ESRRG: variants seen among roughly 807,000 people sequenced by gnomAD.
ESRRG encodes estrogen-related receptor gamma.
Under a neutral mutation model 44.0 loss-of-function variants are expected in ESRRG, and 13 were observed. That is an observed-to-expected ratio of 0.30 (90% CI 0.19 to 0.47). The LOEUF is 0.47. ESRRG is among the 20% of genes least tolerant of loss of function. The pLI is 1.00. For synonymous variants in ESRRG, 215 were observed against 214.6 expected, an observed-to-expected ratio of 1.00 and a Z score of -0.02; for missense variants, 395 against 580.6, an observed-to-expected ratio of 0.68 and a Z score of 3.29.
At chr1:216,555,617 T>C (rs2057384458) in intron 5 of ESRRG, among the ~76,000 whole-genome samples, 1 of 152,130 alleles carries the variant, frequency 6.6e-6, no homozygotes, top group African/African-American at 2.4e-5. Context: ...TTTAAATGAC[T>C]GTATTCTATA....
At chr1:216,603,188 T>C (rs1455211958) in intron 3 of ESRRG, among the ~76,000 whole-genome samples, 1 of 152,222 alleles carries the variant, frequency 6.6e-6, no homozygotes, top group African/African-American at 2.4e-5. Context: ...AATTAATCTA[T>C]GTAGCTTAAA....
chr1:216,515,302 T>C (rs1295857968), intron 6 of ESRRG, among the ~76,000 whole-genome samples: 2 of 152,038 alleles, frequency 1.3e-5, no homozygotes, highest in Admixed American at 6.6e-5. Context: ...TGTGTATATA[T>C]ATATCCTAAA....
intron 2 of ESRRG, among the ~76,000 whole-genome samples, chr1:216,909,011 A>T (rs1240366527): frequency 6.6e-6 from 1 of 152,130 alleles, no homozygotes; most frequent in Non-Finnish European, 1.5e-5. Context: ...TGGTCATTTC[A>T]GGCCAGATCC....
chr1:216,768,313 A>G (rs2093188675), intron 2 of ESRRG, among the ~76,000 whole-genome samples: 2 of 152,282 alleles, frequency 1.3e-5, no homozygotes, highest in Admixed American at 1.3e-4. Context: ...ATGATGCTGT[A>G]ATATCCTAAT....
At chr1:216,723,545 C>T, upstream of ESRRG, 1 of 515,456 alleles carries the variant, frequency 1.9e-6, no homozygotes, top group African/African-American at 1.9e-5. Context: ...GGGCCTCTGC[C>T]CAATCAGGAG....
At position 216,800,715 on chromosome 1, in the gene ESRRG, C is replaced by T. The variant is rs115303581; in HGVS notation, c.-13-123224G>A. 4.0e-3 allele frequency among the ~76,000 whole-genome samples: 604 copies of T among 152,210 alleles called. 3 individuals are homozygous for T. Among genetic ancestry groups the T allele is most frequent in the African/African-American group, 0.014 (583 of 41,538 alleles). Reference sequence around the variant, plus strand: ...GCATATGCTCATAAAATTTAGTACTCCATTTCACAGAGTTTACTAACTCCC... The same window carrying T: ...GCATATGCTCATAAAATTTAGTACTTCATTTCACAGAGTTTACTAACTCCC... On this transcript the variant is annotated intron_variant, in intron 2 of 7. Coordinates refer to the ESRRG transcript ENST00000359162.
chr1:216,606,650 A>ATAATAT (rs1423775585), intron 3 of ESRRG, among the ~76,000 whole-genome samples: 14 of 152,160 alleles, frequency 9.2e-5, no homozygotes, highest in Non-Finnish European at 4.4e-5. Context: ...AGAAGATTCC[A>ATAATAT]TAATATTAAT....
chr1:216,778,407 T>C (rs1056573968), intron 2 of ESRRG, among the ~76,000 whole-genome samples: 6 of 151,952 alleles, frequency 3.9e-5, no homozygotes, highest in Admixed American at 2.0e-4. Flanking sequence ...CCATCACTTT[T>C]GGTAGCAGAG....
intron 6 of ESRRG, among the ~76,000 whole-genome samples, chr1:216,513,679 T>G (rs2043360054): frequency 6.6e-6 from 1 of 152,156 alleles, no homozygotes; most frequent in Non-Finnish European, 1.5e-5. Context: ...CCCAAATTAC[T>G]ATTAATATTG....
intron 1 of ESRRG, among the ~76,000 whole-genome samples, chr1:217,099,200 A>C (rs1369054658): frequency 6.6e-6 from 1 of 152,220 alleles, no homozygotes; most frequent in Non-Finnish European, 1.5e-5. Context: ...ACTGGATAAC[A>C]AGAAATGTGC....
At position 216,976,725 on chromosome 1, in the gene ESRRG, A is replaced by AGTGATG. The variant is rs561454739; in HGVS notation, c.-105-37058_-105-37053dup. Among the ~76,000 whole-genome samples, 810 of 152,158 alleles carry AGTGATG rather than the reference A, an allele frequency of 5.3e-3. 2 individuals carry two copies. Among genetic ancestry groups the AGTGATG allele is most frequent in the Non-Finnish European group, 8.4e-3 (571 of 68,008 alleles). On this transcript the variant is annotated intron_variant, in intron 1 of 7. Transcript: ENST00000359162. Reference sequence around the variant, plus strand: ...GTTAGACTCATTTTTATTACCCTTCAGTGATGTGGTTTGTGTTTTGTTTTG... The same window carrying AGTGATG: ...GTTAGACTCATTTTTATTACCCTTCAGTGATGGTGATGTGGTTTGTGTTTTGTTTTG...
chr1:216,679,787 G>A (rs144595720), intron 1 of ESRRG, among the ~76,000 whole-genome samples: 1 of 151,230 alleles, frequency 6.6e-6, no homozygotes, highest in Non-Finnish European at 1.5e-5. Flanking sequence ...TCATGGACTT[G>A]CAAAATTTGC....
intron 1 of ESRRG, among the ~76,000 whole-genome samples, chr1:217,084,405 T>C (rs558380748): frequency 2.0e-5 from 3 of 152,258 alleles, no homozygotes; most frequent in African/African-American, 7.2e-5. Context: ...TAAAAATAGG[T>C]ATTTGTGAAT....
At chr1:217,006,287 CTT>C (rs2077725318) in intron 1 of ESRRG, among the ~76,000 whole-genome samples, 1 of 152,008 alleles carries the variant, frequency 6.6e-6, no homozygotes, top group African/African-American at 2.4e-5. Flanking sequence ...GACCCATAGT[CTT>C]TATTTAATAT....
At chr1:216,920,724 T>C (rs2061733248) in intron 2 of ESRRG, among the ~76,000 whole-genome samples, 1 of 152,176 alleles carries the variant, frequency 6.6e-6, no homozygotes, top group Admixed American at 6.6e-5. Context: ...CTTTTCTAGC[T>C]ACAGAATGTC....
chr1:216,785,584 C>A (rs573530520), intron 2 of ESRRG, among the ~76,000 whole-genome samples: 195 of 151,802 alleles, frequency 1.3e-3, no homozygotes, highest in African/African-American at 4.6e-3. Context: ...CTGAAGAAAG[C>A]AAAAAGAGAA....
chr1:216,614,183 C>T (rs1426053087), intron 3 of ESRRG, among the ~76,000 whole-genome samples: 2 of 152,228 alleles, frequency 1.3e-5, no homozygotes, highest in African/African-American at 4.8e-5. Flanking sequence ...CTCTCGGCCT[C>T]AGAGCGATTA....
intron 2 of ESRRG, among the ~76,000 whole-genome samples, chr1:216,907,468 G>A (rs760720107): frequency 2.0e-5 from 3 of 152,174 alleles, no homozygotes; most frequent in Non-Finnish European, 4.4e-5. Flanking sequence ...GACTGTAGAT[G>A]AACAGTGAGG....
intron 2 of ESRRG, among the ~76,000 whole-genome samples, chr1:216,892,031 T>C (rs1471122193): frequency 6.6e-6 from 1 of 152,114 alleles, no homozygotes; most frequent in Non-Finnish European, 1.5e-5. Context: ...GGTCTCGAAC[T>C]CCTGACCTTG....
Sources: allele counts gnomAD v4.1 joint callset (sites outside exome capture counted in the v4.1 genomes callset), GRCh38; gene constraint gnomAD v4.1.1; transcripts MANE v1.5; gene names NCBI Gene and HGNC (gene_info 2026-07-23, HGNC 2026-07-21).